The following SV2C variants were observed in gnomAD, a reference collection of about 807,000 sequenced individuals.
SV2C encodes the protein solute carrier family 22 member B3.
In SV2C, 49 loss-of-function variants were observed where a neutral mutation model predicts 79.7. The ratio of observed to expected loss-of-function variants is 0.61; its 90% CI spans 0.49 to 0.78. The LOEUF (loss-of-function observed/expected upper bound fraction) is 0.78. Ranked by LOEUF, SV2C falls within the 30% of genes least tolerant of loss-of-function variation. SV2C has a pLI of 0.00. For synonymous variants in SV2C, 334 were observed against 333.2 expected, an observed-to-expected ratio of 1.00 and a Z score of -0.03; for missense variants, 833 against 912.9, an observed-to-expected ratio of 0.91 and a Z score of 1.13.
At chr5:76,119,517 A>C (rs926001985) in intron 1 of SV2C, among the ~76,000 whole-genome samples, 1 of 152,162 alleles carries the variant, frequency 6.6e-6, no homozygotes, top group Non-Finnish European at 1.5e-5. Flanking sequence ...ACCTGGAAGA[A>C]GGGACAGTCC....
chr5:75,898,535 T>C, the SV2C span, among the ~76,000 whole-genome samples: 2 of 152,184 alleles, frequency 1.3e-5, no homozygotes, highest in Non-Finnish European at 2.9e-5. Context: ...TTCTCTTTTT[T>C]GGTTGTGTCT....
chr5:76,104,383 C>A (rs776186975), intron 1 of SV2C, among the ~76,000 whole-genome samples: 22 of 152,136 alleles, frequency 1.4e-4, no homozygotes, highest in Admixed American at 1.4e-3. Context: ...TTATCAGCAA[C>A]TTTTTTAAGA....
the SV2C span, among the ~76,000 whole-genome samples, chr5:75,950,905 C>T: frequency 2.6e-5 from 4 of 151,998 alleles, no homozygotes; most frequent in African/African-American, 4.8e-5. Context: ...CATCTCTTTA[C>T]ATTCTAGTCA....
At chr5:76,143,813 C>T (rs1580302851) in intron 2 of SV2C, among the ~76,000 whole-genome samples, 1 of 152,022 alleles carries the variant, frequency 6.6e-6, no homozygotes, top group African/African-American at 2.4e-5. Flanking sequence ...TTCAAACTAA[C>T]GAATATGTAT....
At chr5:75,871,327 G>C in the SV2C span, among the ~76,000 whole-genome samples, 8 of 152,052 alleles carry the variant, frequency 5.3e-5, no homozygotes, top group African/African-American at 1.7e-4. Flanking sequence ...AGAACAAGAC[G>C]TATAACCACT....
At chr5:75,885,995 A>G in the SV2C span, among the ~76,000 whole-genome samples, 1 of 152,170 alleles carries the variant, frequency 6.6e-6, no homozygotes, top group Non-Finnish European at 1.5e-5. Context: ...CTCTGAAGCC[A>G]GGATGGCCTT....
chr5:75,874,239 G>T, the SV2C span, among the ~76,000 whole-genome samples: 14 of 152,098 alleles, frequency 9.2e-5, no homozygotes, highest in Non-Finnish European at 1.3e-4. Context: ...GGGATGCAAG[G>T]TTGGTTCAAC....
chr5:75,978,536 T>A, the SV2C span, among the ~76,000 whole-genome samples: 1 of 152,210 alleles, frequency 6.6e-6, no homozygotes, highest in African/African-American at 2.4e-5. Context: ...TTGATGCCCA[T>A]CTTATAATCT....
intron 2 of SV2C, among the ~76,000 whole-genome samples, chr5:76,185,019 G>A (rs545540862): frequency 1.8e-4 from 28 of 152,358 alleles, no homozygotes; most frequent in Middle Eastern, 6.8e-3. Context: ...GGGGTTACAG[G>A]AATTGGGTAA....
the SV2C span, among the ~76,000 whole-genome samples, chr5:75,861,386 A>C: frequency 2.4e-4 from 37 of 152,386 alleles, 1 homozygote; most frequent in East Asian, 6.9e-3. Flanking sequence ...AATGTAAATT[A>C]GTTCAGCCAC....
At position 76,230,998 on chromosome 5, in the gene SV2C, T is replaced by C. The variant is rs112217723; in HGVS notation, c.913+21111T>C. ...CATCCTGAGTTCCTGTGTAAGTAAT[T>C]TGCAAAAGCCAAAGAATGGATTAGG... On this transcript the variant is annotated intron_variant, in intron 4 of 12. Coordinates refer to ENST00000502798, the MANE Select transcript of SV2C (RefSeq NM_014979.4). 5.3e-5 allele frequency among the ~76,000 whole-genome samples: 8 copies of C among 152,336 alleles called. 1 individual carries two copies. The highest frequency in any genetic ancestry group is 1.9e-4 in the African/African-American group (8 of 41,578).
chr5:76,001,189 G>C, the SV2C span, among the ~76,000 whole-genome samples: 1 of 152,280 alleles, frequency 6.6e-6, no homozygotes, highest in Non-Finnish European at 1.5e-5. Flanking sequence ...AGAAGGCCCA[G>C]AATTTCAAGA....
intron 4 of SV2C, among the ~76,000 whole-genome samples, chr5:76,233,710 G>T (rs1251079288): frequency 6.6e-6 from 1 of 151,334 alleles, no homozygotes; most frequent in East Asian, 1.9e-4. Context: ...TGTGGTTTTT[G>T]TCTTTGGCTC....
At chr5:76,279,588 T>A (rs1747121383) in intron 4 of SV2C, among the ~76,000 whole-genome samples, 1 of 152,230 alleles carries the variant, frequency 6.6e-6, no homozygotes, top group African/African-American at 2.4e-5. Flanking sequence ...CCATTAAATA[T>A]GACAAAGACT....
At chr5:76,046,853 T>TTCTG in the SV2C span, among the ~76,000 whole-genome samples, 1 of 152,212 alleles carries the variant, frequency 6.6e-6, no homozygotes, top group Admixed American at 6.5e-5. Context: ...CCCTTGCTCA[T>TTCTG]TCATTTTCTG....
chr5:76,298,989 C>T (rs1747881985), intron 10 of SV2C, 62 bp downstream of exon 10: 4 of 1,565,948 alleles, frequency 2.6e-6, no homozygotes, highest in Admixed American at 1.8e-5. Flanking sequence ...ACTGTGATAA[C>T]CATGTGATAA....
the SV2C span, among the ~76,000 whole-genome samples, chr5:76,065,020 G>A: frequency 6.6e-6 from 1 of 152,110 alleles, no homozygotes; most frequent in Non-Finnish European, 1.5e-5. Context: ...GTGAGTGGTT[G>A]GTTTTGATGT....
chr5:76,315,312 T>G (rs536864425), intron 12 of SV2C, among the ~76,000 whole-genome samples: 1 of 152,072 alleles, frequency 6.6e-6, no homozygotes, highest in South Asian at 2.1e-4. Flanking sequence ...ATGAAATTCA[T>G]TTTTTCTCTC....
At chr5:75,889,499 A>G in the SV2C span, among the ~76,000 whole-genome samples, 3 of 152,064 alleles carry the variant, frequency 2.0e-5, no homozygotes, top group Non-Finnish European at 4.4e-5. Context: ...CCAGTCTACC[A>G]TTGATGGGCA....
Sources: allele counts gnomAD v4.1 joint callset (sites outside exome capture counted in the v4.1 genomes callset), GRCh38; gene constraint gnomAD v4.1.1; transcripts MANE v1.5; gene names NCBI Gene and HGNC (gene_info 2026-07-23, HGNC 2026-07-21).